GLIS1: variants seen among roughly 807,000 people sequenced by gnomAD.
The protein encoded by GLIS1 is GLIS family zinc finger 1.
In GLIS1, 24 loss-of-function variants were observed where a neutral mutation model predicts 63.8. The observed-to-expected ratio is 0.38, with a 90% confidence interval of 0.27 to 0.53. GLIS1 has a LOEUF of 0.53. Among genes scored for constraint, GLIS1 ranks in the 20% least tolerant of loss-of-function variants. GLIS1 has a pLI of 0.85. For synonymous variants in GLIS1, 450 were observed against 482.5 expected, an observed-to-expected ratio of 0.93 and a Z score of 0.88; for missense variants, 1,036 against 1,074.1, an observed-to-expected ratio of 0.96 and a Z score of 0.50.
At chr1:53,719,387 C>G (rs960725338) in intron 2 of GLIS1, among the ~76,000 whole-genome samples, 4 of 152,346 alleles carry the variant, frequency 2.6e-5, no homozygotes, top group African/African-American at 9.6e-5. Flanking sequence ...AGCTTCTCAA[C>G]AATTCTCTCT....
intron 2 of GLIS1, among the ~76,000 whole-genome samples, chr1:53,650,248 C>T (rs368819518): frequency 6.6e-6 from 1 of 152,284 alleles, no homozygotes; most frequent in African/African-American, 2.4e-5. Flanking sequence ...AGTAACTGTG[C>T]TTGATCCAAC....
At chr1:53,672,736 G>A (rs1646165878) in intron 2 of GLIS1, among the ~76,000 whole-genome samples, 1 of 152,202 alleles carries the variant, frequency 6.6e-6, no homozygotes, top group Non-Finnish European at 1.5e-5. Context: ...TGCCCTGCAA[G>A]ACTTTCCACC....
At chr1:53,688,304 C>T (rs1042043752) in intron 2 of GLIS1, among the ~76,000 whole-genome samples, 2 of 152,254 alleles carry the variant, frequency 1.3e-5, no homozygotes, top group Non-Finnish European at 2.9e-5. Flanking sequence ...TGACTAGTCC[C>T]TACAAAATGT....
chr1:53,714,459 A>G (rs1294895857), intron 2 of GLIS1, among the ~76,000 whole-genome samples: 1 of 152,232 alleles, frequency 6.6e-6, no homozygotes. Flanking sequence ...GAGCAGGGAC[A>G]TGGATTATCA....
intron 2 of GLIS1, among the ~76,000 whole-genome samples, chr1:53,645,745 C>G (rs1645838286): frequency 6.6e-6 from 1 of 152,232 alleles, no homozygotes; most frequent in Non-Finnish European, 1.5e-5. Flanking sequence ...CAAGAGGAAA[C>G]ACTGGTGCTC....
intron 4 of GLIS1, among the ~76,000 whole-genome samples, chr1:53,555,137 TC>T (rs1330017893): frequency 1.3e-5 from 2 of 152,194 alleles, no homozygotes; most frequent in Non-Finnish European, 2.9e-5. Flanking sequence ...ACATCGCCGC[TC>T]CCTTACCTGT....
intron 4 of GLIS1, among the ~76,000 whole-genome samples, chr1:53,536,704 G>C (rs1250941848): frequency 6.6e-6 from 1 of 152,094 alleles, no homozygotes; most frequent in African/African-American, 2.4e-5. Context: ...AGCACCAAAA[G>C]ACAAGTTCTC....
At chr1:53,536,616 A>T (rs1437830731) in intron 4 of GLIS1, among the ~76,000 whole-genome samples, 1 of 152,104 alleles carries the variant, frequency 6.6e-6, no homozygotes, top group Non-Finnish European at 1.5e-5. Context: ...CGGAGCAGGA[A>T]TCTGACCTTG....
chr1:53,615,028 TA>T (rs1645466360), intron 2 of GLIS1, among the ~76,000 whole-genome samples: 2 of 152,148 alleles, frequency 1.3e-5, no homozygotes, highest in Admixed American at 1.3e-4. Context: ...GTTTTAATAA[TA>T]AAAAGACTGC....
chr1:53,693,701 G>A (rs1048660484), intron 2 of GLIS1, among the ~76,000 whole-genome samples: 1 of 152,114 alleles, frequency 6.6e-6, no homozygotes, highest in Admixed American at 6.5e-5. Flanking sequence ...GCGCTCTGGC[G>A]GCACTGAAGA....
intron 4 of GLIS1, among the ~76,000 whole-genome samples, chr1:53,573,589 A>T (rs1645004483): frequency 6.6e-6 from 1 of 152,244 alleles, no homozygotes; most frequent in Non-Finnish European, 1.5e-5. Flanking sequence ...ACAGGAGGAC[A>T]CATGACATCT....
chr1:53,551,677 G>A (rs1191993505), intron 4 of GLIS1, among the ~76,000 whole-genome samples: 1 of 152,004 alleles, frequency 6.6e-6, no homozygotes, highest in East Asian at 1.9e-4. Flanking sequence ...CCCCGGTGAG[G>A]GCACTCCCAA....
At chr1:53,675,540 T>A (rs1186168647) in intron 2 of GLIS1, among the ~76,000 whole-genome samples, 1 of 152,090 alleles carries the variant, frequency 6.6e-6, no homozygotes, top group African/African-American at 2.4e-5. Flanking sequence ...AAAAATATCA[T>A]CTCTCTCCCA....
At chr1:53,588,264 T>C (rs1645155624) in intron 4 of GLIS1, among the ~76,000 whole-genome samples, 1 of 152,202 alleles carries the variant, frequency 6.6e-6, no homozygotes, top group South Asian at 2.1e-4. Flanking sequence ...CTTCCCACAG[T>C]GCCAGAAGTC....
intron 4 of GLIS1, among the ~76,000 whole-genome samples, chr1:53,589,252 T>G (rs1378387302): frequency 6.6e-6 from 1 of 152,184 alleles, no homozygotes; most frequent in African/African-American, 2.4e-5. Context: ...GCTACAGGCA[T>G]GTACCACCAT....
At chr1:53,583,551 C>G (rs1162497362) in intron 4 of GLIS1, among the ~76,000 whole-genome samples, 2 of 152,224 alleles carry the variant, frequency 1.3e-5, no homozygotes, top group African/African-American at 4.8e-5. Flanking sequence ...CATCTGCTGT[C>G]TGAGCTTATG....
At chr1:53,579,009 C>T (rs978419198) in intron 4 of GLIS1, among the ~76,000 whole-genome samples, 3 of 150,452 alleles carry the variant, frequency 2.0e-5, no homozygotes, top group Admixed American at 2.0e-4. Flanking sequence ...GGCACAGAAC[C>T]TACAGTCCAT....
chr1:53,616,311 G>T (rs568002045), intron 2 of GLIS1, among the ~76,000 whole-genome samples: 31 of 152,328 alleles, frequency 2.0e-4, no homozygotes, highest in South Asian at 4.1e-4. Flanking sequence ...GGAAATGGCT[G>T]TTGAAATCGC....
At chr1:53,695,992 A>C (rs1646461725) in intron 2 of GLIS1, among the ~76,000 whole-genome samples, 1 of 152,194 alleles carries the variant, frequency 6.6e-6, no homozygotes, top group Non-Finnish European at 1.5e-5. Context: ...GAATGCAGGC[A>C]GACTCGCAGT....
Sources: gnomAD v4.1 joint callset for allele counts (sites outside exome capture counted in the v4.1 genomes callset) on GRCh38, gnomAD v4.1.1 for gene constraint, MANE v1.5 for transcripts, NCBI Gene and HGNC (gene_info 2026-07-23, HGNC 2026-07-21) for gene names.